CAMK2B: variants seen among roughly 807,000 people sequenced by gnomAD.
CAMK2B encodes calcium/calmodulin-dependent protein kinase type II subunit beta.
CAMK2B carries 27 observed loss-of-function variants against 93.7 expected under a neutral mutation model. The observed-to-expected ratio is 0.29, with a 90% CI of 0.21 to 0.40. The LOEUF is 0.40. Among genes scored for constraint, CAMK2B ranks in the 10% least tolerant of loss-of-function variants. The probability of loss-of-function intolerance (pLI) is 1.00; values close to 1 mark genes in which losing one functional copy is unlikely to be tolerated. For synonymous variants in CAMK2B, 374 were observed against 358.8 expected (o/e 1.04, Z -0.48); for missense variants, 568 against 895.8 (o/e 0.63, Z 4.67).
At chr7:44,307,464 A>G (rs545837878) in intron 1 of CAMK2B, among the ~76,000 whole-genome samples, 1 of 151,526 alleles carries the variant, frequency 6.6e-6, no homozygotes, top group South Asian at 2.1e-4. Context: ...GTGTGTGAAG[A>G]GGAGGGTTTC....
Position 44,220,808 on chromosome 7 carries a change from C to A in CAMK2B, c.1673+18G>T, listed in dbSNP as rs368757751. ...CATCCTTGTCCTGCACAGCCCCCCC[C>A]CAGCCCCAGGGACTCACGCGTAGGC... is the stretch of plus-strand genomic sequence containing the variant. On this transcript the variant is annotated intron_variant, in intron 21 of 23. Coordinates refer to ENST00000395749, the MANE Select transcript of CAMK2B (RefSeq NM_001220.5). 7 of 1,561,534 alleles carry A rather than the reference C, an allele frequency of 4.5e-6. No homozygotes were observed. The highest frequency in any genetic ancestry group is 2.4e-5 in the East Asian group (1 of 41,776).
intron 1 of CAMK2B, among the ~76,000 whole-genome samples, chr7:44,310,140 C>T (rs565963469): frequency 6.6e-6 from 1 of 152,272 alleles, no homozygotes; most frequent in Admixed American, 6.5e-5. Flanking sequence ...TTCCTGCAAG[C>T]TGCGCATCAA....
chr7:44,234,824 C>G (rs1246759862), intron 13 of CAMK2B, 148 bp from the exon 14 acceptor site: 1 of 803,298 alleles, frequency 1.2e-6, no homozygotes, highest in Non-Finnish European at 2.1e-6. Context: ...CAGGCTGGCT[C>G]TGAGCAGGTG....
At chr7:44,283,423 G>C (rs1212619281) in intron 2 of CAMK2B, among the ~76,000 whole-genome samples, 1 of 152,232 alleles carries the variant, frequency 6.6e-6, no homozygotes, top group Non-Finnish European at 1.5e-5. Context: ...ATTGCCAGCA[G>C]GGCTCTGGAG....
intron 2 of CAMK2B, among the ~76,000 whole-genome samples, chr7:44,264,680 C>A (rs1437868177): frequency 6.6e-6 from 1 of 152,176 alleles, no homozygotes; most frequent in Non-Finnish European, 1.5e-5. Flanking sequence ...AAGCACTGCA[C>A]GGTCTTCCAG....
intron 6 of CAMK2B, among the ~76,000 whole-genome samples, 197 bp downstream of exon 6, chr7:44,246,923 A>G (rs1004135409): frequency 6.6e-6 from 1 of 151,562 alleles, no homozygotes; most frequent in Non-Finnish European, 1.5e-5. Flanking sequence ...CACCATCCAC[A>G]CAGGACATGC....
intron 1 of CAMK2B, among the ~76,000 whole-genome samples, chr7:44,318,392 T>C (rs960181746): frequency 6.6e-6 from 1 of 152,186 alleles, no homozygotes; most frequent in African/African-American, 2.4e-5. Context: ...ACAGGGTGGG[T>C]GTGCCACTGC....
At position 44,226,696 on chromosome 7, in the gene CAMK2B, A is replaced by G. The variant is rs754713661; in HGVS notation, c.1469-52T>C. 5 of 1,358,392 alleles carry G rather than the reference A, an allele frequency of 3.7e-6. No individual in the cohort carries two copies. In the African/African-American group the frequency reaches 5.0e-5, roughly 14 times the overall value. 84.1% of individuals were successfully genotyped at this position (1,358,392 alleles called of 1,614,324 possible). On this transcript the variant is annotated intron_variant, in intron 19 of 23. Transcript: ENST00000395749. ...CACAAGGCAGGCACGGGGGGCACGC[A>G]GGAGAGAAACCATGGGCAGACAGCC...
intron 1 of CAMK2B, chr7:44,323,738 G>T (rs1796750488): frequency 6.5e-6 from 1 of 154,942 alleles, no homozygotes; most frequent in African/African-American, 2.4e-5. Context: ...CAACAAGAAG[G>T]CTCCTGAGGA....
intron 5 of CAMK2B, among the ~76,000 whole-genome samples, chr7:44,250,527 C>CTTTTTT (rs36056008): frequency 1.7e-5 from 2 of 117,818 alleles, no homozygotes; most frequent in East Asian, 2.2e-4. Flanking sequence ...AGTGACATTG[C>CTTTTTT]TTTTTTTTTT....
intron 2 of CAMK2B, among the ~76,000 whole-genome samples, chr7:44,270,296 T>C (rs982080634): frequency 2.0e-5 from 3 of 152,120 alleles, no homozygotes; most frequent in Non-Finnish European, 2.9e-5. Flanking sequence ...CTGCTCCAGC[T>C]GCCCTGGCCT....
At chr7:44,325,285 C>G in intron 1 of CAMK2B, 72 bp downstream of exon 1, 1 of 878,212 alleles carries the variant, frequency 1.1e-6, no homozygotes, top group Non-Finnish European at 1.4e-6. Context: ...CTGGAGCCGG[C>G]GGCGCGGAGG....
chr7:44,237,401 C>T (rs765011893), intron 13 of CAMK2B, among the ~76,000 whole-genome samples: 14 of 152,244 alleles, frequency 9.2e-5, no homozygotes, highest in Admixed American at 4.6e-4. Flanking sequence ...CAGCCCTCCT[C>T]GAAGGACTCA....
At chr7:44,240,220 G>T (rs544979544) in intron 12 of CAMK2B, among the ~76,000 whole-genome samples, 2 of 152,210 alleles carry the variant, frequency 1.3e-5, no homozygotes, top group East Asian at 3.9e-4. Flanking sequence ...CCTGCCAAGA[G>T]AACTTGCTTC....
chr7:44,235,713 CA>C lies in CAMK2B; in HGVS notation c.1022-1038del, dbSNP rs150937084. Among the ~76,000 whole-genome samples the C allele has an allele frequency of 4.4e-3, 677 of 152,310 alleles. 6 individuals carry two copies. The highest frequency in any genetic ancestry group is 0.016 in the African/African-American group (652 of 41,570). Reference sequence around the variant, plus strand: ...AGGGCCATGCGGCCAGCCGGTACAGCAGGGTTAGAGAGGCAGCCAGGCTGGA... The same window carrying C: ...AGGGCCATGCGGCCAGCCGGTACAGCGGGTTAGAGAGGCAGCCAGGCTGGA... On this transcript the variant is annotated intron_variant, in intron 13 of 23. Coordinates refer to ENST00000395749, the MANE Select transcript of CAMK2B (RefSeq NM_001220.5).
At chr7:44,293,884 T>C (rs926209984) in intron 1 of CAMK2B, among the ~76,000 whole-genome samples, 1 of 152,212 alleles carries the variant, frequency 6.6e-6, no homozygotes, top group Non-Finnish European at 1.5e-5. Context: ...GACATGTTTC[T>C]GTGACACCGT....
chr7:44,221,430 CAGAGAAGGAGCCGTCAGCA>C (rs1434276181), intron 20 of CAMK2B, among the ~76,000 whole-genome samples: 2 of 152,196 alleles, frequency 1.3e-5, no homozygotes, highest in African/African-American at 4.8e-5. Flanking sequence ...AGACCTGCCT[CAGAGAAGGAGCCGTCAGCA>C]AGGCCACCCG....
rs959610523 is a variant in CAMK2B at position 44,248,573 on chromosome 7, G to C, written c.342-1381C>G. Among the ~76,000 whole-genome samples the C allele has an allele frequency of 6.6e-6, 1 of 152,228 alleles. No homozygotes were observed. The highest frequency in any genetic ancestry group is 1.5e-5 in the Non-Finnish European group (1 of 68,044). On this transcript the variant is annotated intron_variant, in intron 5 of 23. Transcript: ENST00000395749. This position sits in a 1 kb window ranked among gnomAD's most constrained non-coding sequence, Gnocchi z 4.1. The stretch of plus-strand genomic sequence containing the variant: ...ACTGGGCACGGTCAAGGGAGGGACA[G>C]GAAGACCCCCTCAAGACCCTTCTAT...
rs73099810 is a variant in CAMK2B, at chr7:44,305,594, G to C, written c.65+19763C>G. ...ACTGGCTCAAAAACAGTCTCCTGGG[G>C]AGATGGACGGGGCACCCCTGTGAGG... On this transcript the variant is annotated intron_variant, in intron 1 of 23. Coordinates refer to ENST00000395749, the MANE Select transcript of CAMK2B (RefSeq NM_001220.5). Among the ~76,000 whole-genome samples, 901 of 152,366 alleles carry C rather than the reference G, an allele frequency of 5.9e-3. 6 individuals carry two copies. Among genetic ancestry groups the C allele is most frequent in the Non-Finnish European group, 9.2e-3 (626 of 68,034 alleles).
Sources: gnomAD v4.1 joint callset for allele counts (sites outside exome capture counted in the v4.1 genomes callset) on GRCh38, gnomAD v4.1.1 for gene constraint, Gnocchi (gnomAD v3.1) non-coding constraint, MANE v1.5 for transcripts, NCBI Gene and HGNC (gene_info 2026-07-23, HGNC 2026-07-21) for gene names.